The following FGF2 variants were observed in gnomAD, a reference collection of about 807,000 sequenced individuals.
The protein encoded by FGF2 is fibroblast growth factor 2, also known as basic fibroblast growth factor bFGF.
A neutral mutation model predicts 15.9 loss-of-function variants in FGF2; 13 were observed. That is an observed-to-expected ratio of 0.82 (90% CI 0.53 to 1.30). The LOEUF (loss-of-function observed/expected upper bound fraction) is 1.30, where lower values mean the gene tolerates loss of function less well. FGF2 is among the 50% of genes most tolerant of loss of function. FGF2 has a pLI of 0.00. For synonymous variants in FGF2, 90 were observed against 78.4 expected (o/e 1.15, Z -0.78); for missense variants, 163 against 196.9 (o/e 0.83, Z 1.03).
chr4:122,887,940 T>C (rs1727092329), intron 2 of FGF2, among the ~76,000 whole-genome samples: 1 of 152,194 alleles, frequency 6.6e-6, no homozygotes, highest in Non-Finnish European at 1.5e-5. Flanking sequence ...CTTTTTAATT[T>C]CTAGTTCTGT....
At chr4:122,884,689 A>G (rs1727022966) in intron 2 of FGF2, 1 of 152,176 alleles carries the variant, frequency 6.6e-6, no homozygotes, top group Non-Finnish European at 1.5e-5. Context: ...AAATCAATGT[A>G]CTGTAAAAGA....
rs115004293 is a variant in FGF2 at position 122,831,464 on chromosome 4, T to C, written c.178+4112T>C. On this transcript the variant is annotated intron_variant, in intron 1 of 2. Coordinates refer to ENST00000644866, the MANE Select transcript of FGF2 (RefSeq NM_001361665.2). The stretch of plus-strand genomic sequence containing the variant: ...AGAACCATTGATTTAATAATACACG[T>C]ACTAGATTCTCTCCCCCCACCTCTC... Among the ~76,000 whole-genome samples the C allele has an allele frequency of 1.1e-3, 164 of 152,306 alleles. 4 individuals carry two copies. In the South Asian group the frequency reaches 0.017, roughly 16 times the overall value.
intron 2 of FGF2, chr4:122,881,775 G>A (rs116179743): frequency 0.014 from 2,199 of 155,044 alleles, 57 homozygotes; most frequent in African/African-American, 0.051. Flanking sequence ...TCACTTCCAC[G>A]TTTTTGGGTA....
intron 1 of FGF2, among the ~76,000 whole-genome samples, chr4:122,872,016 G>A (rs984385475): frequency 1.3e-5 from 2 of 152,152 alleles, no homozygotes; most frequent in Admixed American, 6.5e-5. Flanking sequence ...CTGTATGGAG[G>A]ATCAGATGGA....
At chr4:122,878,710 G>C (rs1051851226) in intron 2 of FGF2, among the ~76,000 whole-genome samples, 45 of 152,340 alleles carry the variant, frequency 3.0e-4, no homozygotes, top group African/African-American at 1.0e-3. Flanking sequence ...GAAGGCCACT[G>C]TAATAGTCCA....
At chr4:122,847,173 G>T (rs1726129606) in intron 1 of FGF2, among the ~76,000 whole-genome samples, 1 of 152,134 alleles carries the variant, frequency 6.6e-6, no homozygotes. Context: ...CTATTCTAAG[G>T]CAAAGCACAC....
chr4:122,826,754 G>T (rs1317525585), upstream of FGF2: 2 of 1,297,128 alleles, frequency 1.5e-6, no homozygotes, highest in Admixed American at 3.3e-5. Flanking sequence ...GCAGGAGGGA[G>T]GAGAACTGGG....
At chr4:122,835,881 CAAT>C (rs1476243762) in intron 1 of FGF2, among the ~76,000 whole-genome samples, 7 of 152,200 alleles carry the variant, frequency 4.6e-5, no homozygotes, top group African/African-American at 1.7e-4. Flanking sequence ...ATTACTGTCA[CAAT>C]GATTGGCCTT....
chr4:122,886,224 G>GT (rs942577934), intron 2 of FGF2, among the ~76,000 whole-genome samples: 3 of 151,954 alleles, frequency 2.0e-5, no homozygotes, highest in Admixed American at 6.6e-5. Flanking sequence ...CTGACCTGAT[G>GT]TTTTTTTCAT....
chr4:122,867,154 C>T (rs567782645), intron 1 of FGF2, among the ~76,000 whole-genome samples: 66 of 152,174 alleles, frequency 4.3e-4, no homozygotes, highest in African/African-American at 8.7e-4. Context: ...GTATTAGGGA[C>T]GTGTAAAATG....
chr4:122,840,326 G>A (rs1434990166), intron 1 of FGF2: 1 of 152,164 alleles, frequency 6.6e-6, no homozygotes, highest in African/African-American at 2.4e-5. Context: ...AAACTCTCCT[G>A]GGCCCTTGCT....
chr4:122,897,953 T>C lies in FGF2; in HGVS notation c.*5557T>C, dbSNP rs1156714610. The C allele has an allele frequency of 6.1e-6, 2 of 327,658 alleles. No homozygotes were observed. The highest frequency in any genetic ancestry group is 4.3e-5 in the African/African-American group (2 of 46,752). The allele number at this position is 327,658 out of a possible 1,614,324, so 20.3% of individuals were successfully genotyped here. Reference sequence around the variant, plus strand: ...GATACATTCTGTATGAATGAAACATTGGAGGGAAACATCTACTGAATTTCT... The same window carrying C: ...GATACATTCTGTATGAATGAAACATCGGAGGGAAACATCTACTGAATTTCT... On this transcript the variant is annotated 3_prime_UTR_variant, in exon 3 of 3. Transcript: ENST00000644866.
intron 2 of FGF2, chr4:122,882,736 C>G (rs1375104591): frequency 6.6e-6 from 1 of 152,188 alleles, no homozygotes; most frequent in Non-Finnish European, 1.5e-5. Flanking sequence ...GACCAAGATC[C>G]AGTTGTACGT....
chr4:122,870,557 G>A (rs745396898), intron 1 of FGF2, among the ~76,000 whole-genome samples: 19 of 152,018 alleles, frequency 1.2e-4, no homozygotes, highest in Non-Finnish European at 2.2e-4. Flanking sequence ...GCCTTGGGAC[G>A]GTGTATGTGT....
chr4:122,832,315 G>A (rs951955426), intron 1 of FGF2, among the ~76,000 whole-genome samples: 1 of 152,148 alleles, frequency 6.6e-6, no homozygotes, highest in African/African-American at 2.4e-5. Context: ...GGAGTGCAGT[G>A]GCACAATCTC....
chr4:122,880,212 A>T (rs547633744), intron 2 of FGF2, among the ~76,000 whole-genome samples: 2 of 151,166 alleles, frequency 1.3e-5, no homozygotes, highest in Non-Finnish European at 2.9e-5. Context: ...TACAGGCCCT[A>T]TGCAAGTCTG....
chr4:122,886,159 A>G (rs532091760), intron 2 of FGF2, among the ~76,000 whole-genome samples: 3 of 151,980 alleles, frequency 2.0e-5, no homozygotes, highest in African/African-American at 7.2e-5. Context: ...GGGCTCAAGA[A>G]TCCTCCTGCC....
chr4:122,864,058 T>C (rs1726524344), intron 1 of FGF2, among the ~76,000 whole-genome samples: 1 of 152,224 alleles, frequency 6.6e-6, no homozygotes, highest in Admixed American at 6.5e-5. Context: ...CAAAGTACCT[T>C]CACAGCAACA....
chr4:122,883,595 A>G (rs1727002046), intron 2 of FGF2, among the ~76,000 whole-genome samples: 1 of 152,256 alleles, frequency 6.6e-6, no homozygotes, highest in South Asian at 2.1e-4. Flanking sequence ...CAGAACAAAT[A>G]TTAGAATTGA....
Sources: gnomAD v4.1 joint callset for allele counts (sites outside exome capture counted in the v4.1 genomes callset) on GRCh38, gnomAD v4.1.1 for gene constraint, MANE v1.5 for transcripts, NCBI Gene and HGNC (gene_info 2026-07-23, HGNC 2026-07-21) for gene names.